The following IDH3G variants were observed in gnomAD, a reference collection of about 807,000 sequenced individuals.
The protein encoded by IDH3G is isocitrate dehydrogenase (NAD(+)) 3 non-catalytic subunit gamma, also known as isocitrate dehydrogenase [NAD] subunit gamma, mitochondrial.
A neutral mutation model predicts 26.9 loss-of-function variants in IDH3G; 9 were observed. The ratio of observed to expected loss-of-function variants is 0.34; its 90% confidence interval spans 0.20 to 0.58. The LOEUF (loss-of-function observed/expected upper bound fraction) is 0.58, where lower values mean the gene tolerates loss of function less well. Ranked by LOEUF, IDH3G falls within the 20% of genes least tolerant of loss-of-function variation. The pLI is 0.85. For missense variants in IDH3G, 250 were observed against 372.8 expected, an observed-to-expected ratio of 0.67 and a Z score of 2.71; for synonymous variants, 181 against 160.0, an observed-to-expected ratio of 1.13 and a Z score of -0.99.
Position 153,790,311 on chromosome X carries a change from G to C in IDH3G, c.136-19C>G, listed in dbSNP as rs781959593. 82 of 1,169,508 alleles carry C rather than the reference G, an allele frequency of 7.0e-5. No individual in the cohort carries two copies. In the South Asian group the frequency reaches 1.3e-3, roughly 19 times the overall value. The stretch of plus-strand genomic sequence containing the variant: ...ACGGAGGCTGTGGGAGGCAGAGGGT[G>C]AAGGTGGGCCTTCGGGGATCCCACA... On this transcript the variant is annotated intron_variant, in intron 3 of 12. Coordinates refer to ENST00000217901, the MANE Select transcript of IDH3G (RefSeq NM_004135.4).
At position 153,786,367 on chromosome X, in the gene IDH3G, A is replaced by G; in HGVS notation, c.1007T>C (p.Leu336Pro). 3 of 1,208,485 alleles carry G rather than the reference A, an allele frequency of 2.5e-6. No homozygotes were observed. The highest frequency in any genetic ancestry group is 3.4e-6 in the Non-Finnish European group (3 of 893,244). The change falls in exon 11 of 13, where the codon CTG becomes CCG. Residue 336 changes from leucine (L) to proline (P), a missense_variant. Around this residue, in one of 2 missense-constraint regions of IDH3G, gnomAD observed 201 missense variants for 331.3 expected, o/e 0.61. Transcript: ENST00000217901. Reference protein sequence around the residue: ...TATLLASCMMLDHLKLHSYAT... With the variant: ...TATLLASCMMPDHLKLHSYAT... The stretch of plus-strand genomic sequence containing the variant: ...GGGAGCCACTCACTTGAGGTGGTCC[A>G]GCATCATGCAGCTGGCCAGCAGGGT...
Position 153,787,393 on chromosome X carries a change from C to T in IDH3G, c.674+71G>A, listed in dbSNP as rs570501197. ...GTAGCTGGGCTTTTGGACCACAAAT[C>T]CCTCAGAGCAGGCCCAAGCAGGCCA... On this transcript the variant is annotated intron_variant, in intron 8 of 12. Coordinates refer to ENST00000217901, the MANE Select transcript of IDH3G (RefSeq NM_004135.4). 7.0e-6 allele frequency: 8 copies of T among 1,141,872 alleles called. No homozygotes were observed. The African/African-American group carries it at 8.9e-5, about 13-fold the overall frequency. The allele number at this position is 1,141,872 out of a possible 1,213,427, so 94.1% of individuals were successfully genotyped here.
intron 4 of IDH3G, 150 bp downstream of exon 4, chrX:153,790,045 C>T (rs41311374): frequency 0.022 from 11,108 of 512,798 alleles, 131 homozygotes; most frequent in Middle Eastern, 0.028. Flanking sequence ...GCCAGTCTGG[C>T]GGGATCACAG....
At position 153,786,414 on chromosome X, in the gene IDH3G, C is replaced by T. The variant is rs1557069191; in HGVS notation, c.960G>A (p.Lys320=). ...TRNTGKSIAN[K]NIANPTATLL... ...GGGTGGCCGTGGGGTTGGCGATGTT[C>T]TTATTGGCGATACTCTTGCCGGTGT... is the stretch of plus-strand genomic sequence containing the variant. Residue 320 remains lysine (K), a synonymous_variant, in exon 11 of 13, where the codon AAG becomes AAA. Transcript: ENST00000217901. The T allele has an allele frequency of 8.3e-7, 1 of 1,201,753 alleles. No homozygotes were observed. The highest frequency in any genetic ancestry group is 1.8e-5 in the South Asian group (1 of 55,639).
At chrX:153,792,888 C>T (rs1428296824) in intron 1 of IDH3G, among the ~76,000 whole-genome samples, 2 of 112,438 alleles carry the variant, frequency 1.8e-5, no homozygotes, top group African/African-American at 3.2e-5. Context: ...ACACGCCTCC[C>T]GCTCTCCCAT....
At chrX:153,790,395 C>G (rs1422935188) in intron 3 of IDH3G, 103 bp from the exon 4 acceptor site, 31 of 886,599 alleles carry the variant, frequency 3.5e-5, no homozygotes, top group Non-Finnish European at 5.1e-5. Flanking sequence ...CTGGCGCTGA[C>G]CCCACAGGCT....
At chrX:153,786,751 C>T in intron 10 of IDH3G, 50 bp downstream of exon 10, 3 of 1,173,250 alleles carry the variant, frequency 2.6e-6, no homozygotes, top group Non-Finnish European at 3.5e-6. Flanking sequence ...CTCACTAAGT[C>T]TGTGAACAGG....
chrX:153,789,523 G>A (rs1375667876), intron 5 of IDH3G, among the ~76,000 whole-genome samples, 189 bp downstream of exon 5: 2 of 112,812 alleles, frequency 1.8e-5, no homozygotes, highest in South Asian at 3.6e-4. Flanking sequence ...TAGCCTGGGC[G>A]ACAGAGCGAG....
intron 12 of IDH3G, 64 bp from the exon 13 acceptor site, chrX:153,786,037 G>C: frequency 8.3e-7 from 1 of 1,208,603 alleles, no homozygotes; most frequent in South Asian, 1.8e-5. Context: ...CTCCTGTGAC[G>C]TGCAGGACTG....
chrX:153,790,898 A>G, intron 1 of IDH3G, 47 bp from the exon 2 acceptor site: 1 of 1,166,064 alleles, frequency 8.6e-7, no homozygotes, highest in Non-Finnish European at 1.2e-6. Flanking sequence ...CTAACCCAGA[A>G]AGCCAAGTTG....
intron 1 of IDH3G, among the ~76,000 whole-genome samples, chrX:153,792,717 T>C (rs2092113933): frequency 8.9e-6 from 1 of 112,672 alleles, no homozygotes. Flanking sequence ...CTTTGGGCTT[T>C]GGCAAAAGAC....
chrX:153,786,737 G>A, intron 10 of IDH3G, 64 bp downstream of exon 10: 3 of 1,133,853 alleles, frequency 2.6e-6, no homozygotes, highest in Admixed American at 2.3e-5. Flanking sequence ...TGGGATGAGT[G>A]TGCCTCACTA....
intron 4 of IDH3G, 129 bp downstream of exon 4, chrX:153,790,066 G>A (rs2081152245): frequency 9.0e-6 from 5 of 558,139 alleles, no homozygotes; most frequent in Admixed American, 2.9e-5. Flanking sequence ...GCCATGGGAC[G>A]CAAGGCCTGG....
Position 153,794,289 on chromosome X carries a change from G to A in IDH3G, c.38C>T (p.Ala13Val). Residue 13 changes from alanine (A) to valine (V), a missense_variant, in exon 1 of 13, where the codon GCG (alanine) becomes GTG (valine). By Grantham distance (64) the Ala-to-Val change is moderately conservative (BLOSUM62 0). Transcript: ENST00000217901. ...AAGGGCTGGCCCGAGCACCGCCTTC[G>A]CGGCGCTGCCGGCGACGGTCGCTAC... ...LKVATVAGSA[A>V]KAVLGPALLC... The A allele has an allele frequency of 1.7e-6, 2 of 1,199,340 alleles. No homozygotes were observed. Among genetic ancestry groups the A allele is most frequent in the South Asian group, 1.8e-5 (1 of 56,291 alleles).
At chrX:153,790,359 G>T in intron 3 of IDH3G, 67 bp from the exon 4 acceptor site, 1 of 1,002,339 alleles carries the variant, frequency 1.0e-6, no homozygotes. Flanking sequence ...GGCCCCCATG[G>T]GCTCAAGCCA....
rs782813735 is a variant in IDH3G, at chrX:153,789,779, G to A, written c.279C>T (p.Ser93=). The A allele has an allele frequency of 9.1e-6, 11 of 1,206,348 alleles. No individual in the cohort carries two copies. Among genetic ancestry groups the A allele is most frequent in the Non-Finnish European group, 1.2e-5 (11 of 891,743 alleles). The part of the protein sequence containing the change: ...PVDFEEVHVS[S]NADEEDIRNA... ...TGCGAATGTCCTCTTCATCAGCATT[G>A]GAACTCACGTGCACCTCTTCAAAGT... The change falls in exon 5 of 13, where the codon TCC becomes TCT. Residue 93 remains serine, a synonymous_variant. Coordinates refer to ENST00000217901, the MANE Select transcript of IDH3G (RefSeq NM_004135.4).
At chrX:153,786,090 G>A in intron 12 of IDH3G, 117 bp from the exon 13 acceptor site, 2 of 1,198,147 alleles carry the variant, frequency 1.7e-6, no homozygotes, top group South Asian at 1.8e-5. Flanking sequence ...AGGGCCAGAA[G>A]ATGGGGCCAG....
chrX:153,788,260 G>A lies in IDH3G; in HGVS notation c.347-125C>T, dbSNP rs2092097029. 8.8e-6 allele frequency: 6 copies of A among 680,140 alleles called. No homozygotes were observed. The Admixed American group carries it at 9.3e-5, about 11-fold the overall frequency. 56.1% of individuals were successfully genotyped at this position (680,140 alleles called of 1,213,427 possible). ...ATGTTTCCTGAACACTAGAATGCTA[G>A]AATGCAACTTCCAGCCTAAGCCCCA... is the stretch of plus-strand genomic sequence containing the variant. On this transcript the variant is annotated intron_variant, in intron 5 of 12. Coordinates refer to ENST00000217901, the MANE Select transcript of IDH3G (RefSeq NM_004135.4).
Position 153,794,318 on chromosome X carries a change from C to T in IDH3G, c.9G>A (p.Leu3=). 2 of 1,197,168 alleles carry T rather than the reference C, an allele frequency of 1.7e-6. No individual in the cohort carries two copies. Among genetic ancestry groups the T allele is most frequent in the Non-Finnish European group, 2.2e-6 (2 of 889,485 alleles). Residue 3 remains leucine, a synonymous_variant, in exon 1 of 13, where the codon CTG becomes CTA. Coordinates refer to ENST00000217901, the MANE Select transcript of IDH3G (RefSeq NM_004135.4). ...CGCTGCCGGCGACGGTCGCTACCTT[C>T]AGCGCCATGACGGAAAGTGAGAGCC... MA[L]KVATVAGSAA...
Sources: allele counts gnomAD v4.1 joint callset (sites outside exome capture counted in the v4.1 genomes callset), GRCh38; gene constraint gnomAD v4.1.1; regional missense constraint gnomAD v4.1.1; transcripts MANE v1.5; gene names NCBI Gene and HGNC (gene_info 2026-07-23, HGNC 2026-07-21).